The following GRM4 variants were observed in gnomAD, a reference collection of about 807,000 sequenced individuals.
GRM4 encodes the protein metabotropic glutamate receptor 4.
GRM4 carries 28 observed loss-of-function variants against 81.7 expected under a neutral mutation model. That is an observed-to-expected ratio of 0.34 (90% CI 0.25 to 0.47). GRM4 has a LOEUF of 0.47. GRM4 is among the 20% of genes least tolerant of loss of function. The pLI is 1.00. For missense variants in GRM4, 948 were observed against 1,290.0 expected, an observed-to-expected ratio of 0.73 and a Z score of 4.06; for synonymous variants, 488 against 528.8, an observed-to-expected ratio of 0.92 and a Z score of 1.06.
Position 34,062,254 on chromosome 6 carries a change from A to G in GRM4, c.737-226T>C. On this transcript the variant is annotated intron_variant, in intron 3 of 10. Coordinates refer to ENST00000538487, the MANE Select transcript of GRM4 (RefSeq NM_000841.4). The stretch of plus-strand genomic sequence containing the variant: ...CTGGTGACCCTGGATATGTCACTTA[A>G]GTACTCTGAGCCTCAGTTTCCCCAT... The G allele has an allele frequency of 6.4e-6, 3 of 469,506 alleles. No homozygotes were observed. In the South Asian group the frequency reaches 1.3e-4, roughly 20 times the overall value. 29.1% of individuals were successfully genotyped at this position (469,506 alleles called of 1,614,324 possible).
At chr6:34,065,981 C>T (rs34178580) in intron 3 of GRM4, among the ~76,000 whole-genome samples, 1,815 of 152,220 alleles carry the variant, frequency 0.012, 17 homozygotes, top group Middle Eastern at 0.037. Flanking sequence ...CTCCCCAGCC[C>T]GCCCAGGTTC....
At chr6:34,155,215 C>T (rs1490752986) in exon 1 of GRM4, 1 of 1,535,510 alleles carries the variant, frequency 6.5e-7, no homozygotes, top group Non-Finnish European at 8.7e-7. Context: ...GCCTCTTGTG[C>T]GCACCCACAC....
At position 34,115,061 on chromosome 6, in the gene GRM4, G is replaced by A. The variant is rs981487862; in HGVS notation, c.519+17917C>T. 6.6e-6 allele frequency among the ~76,000 whole-genome samples: 1 copy of A among 152,208 alleles called. No individual in the cohort carries two copies. Among genetic ancestry groups the A allele is most frequent in the African/African-American group, 2.4e-5 (1 of 41,444 alleles). ...AAGTGCCACTAATCACTGCATCCAG[G>A]AGCAGCTGTCCCCAGATGCTGCTAA... On this transcript the variant is annotated intron_variant, in intron 2 of 10. Coordinates refer to ENST00000538487, the MANE Select transcript of GRM4 (RefSeq NM_000841.4). This position sits in a 1 kb window ranked among gnomAD's most constrained non-coding sequence, Gnocchi z 4.1.
chr6:34,139,184 AGGAAGCCTC>A (rs1770581619), intron 1 of GRM4, among the ~76,000 whole-genome samples: 1 of 152,168 alleles, frequency 6.6e-6, no homozygotes, highest in South Asian at 2.1e-4. Flanking sequence ...AGCCTCGACC[AGGAAGCCTC>A]CTGATGTCAG....
At chr6:34,033,554 C>T (rs545704813) in intron 9 of GRM4, among the ~76,000 whole-genome samples, 8 of 152,232 alleles carry the variant, frequency 5.3e-5, no homozygotes, top group African/African-American at 1.9e-4. Context: ...GCCAAACGGC[C>T]GTTAGGTAAA....
Position 34,133,678 on chromosome 6 carries a change from T to A in GRM4, c.-182A>T. ...TCCTTGTCACTCGGGCCAAGCACAG[T>A]TGCCCGCACAGTCCAGGCCCACAGA... On this transcript the variant is annotated 5_prime_UTR_variant, in exon 2 of 11. Transcript: ENST00000538487. The surrounding 1 kb of genome is among the most constrained non-coding windows in gnomAD (Gnocchi z 6.5). 1 of 1,409,092 alleles carries A rather than the reference T, an allele frequency of 7.1e-7. No homozygotes were observed. Among genetic ancestry groups the A allele is most frequent in the Non-Finnish European group, 9.2e-7 (1 of 1,087,334 alleles). The allele number at this position is 1,409,092 out of a possible 1,614,324, so 87.3% of individuals were successfully genotyped here.
rs2127447805 is a variant in GRM4 at position 34,042,354 on chromosome 6, A to G, written c.1169-1606T>C. On this transcript the variant is annotated intron_variant, in intron 6 of 10. Transcript: ENST00000538487. This position sits in a 1 kb window ranked among gnomAD's most constrained non-coding sequence, Gnocchi z 4.2. ...ATGTGAACCCAGGTACTCCAACTCC[A>G]ACCCTGAGCACCACACTCTGCCACA... Among the ~76,000 whole-genome samples the G allele has an allele frequency of 6.6e-6, 1 of 152,308 alleles. No individual in the cohort carries two copies. The highest frequency in any genetic ancestry group is 1.5e-5 in the Non-Finnish European group (1 of 68,022).
intron 2 of GRM4, among the ~76,000 whole-genome samples, chr6:34,106,790 TG>T (rs1266170657): frequency 6.6e-6 from 1 of 152,270 alleles, no homozygotes; most frequent in African/African-American, 2.4e-5. Context: ...GGACAATGCC[TG>T]GCACCCACAC....
rs1316022947 is a variant in GRM4 at position 34,069,202 on chromosome 6, A to ACACACACACGCACGCACG, written c.737-7175_737-7174insCGTGCGTGCGTGTGTGTG. ...CACACACACACACACACACACACAC[A>ACACACACACGCACGCACG]CACGCACGCACACACGGCTCCTTCC... On this transcript the variant is annotated intron_variant, in intron 3 of 10. Coordinates refer to ENST00000538487, the MANE Select transcript of GRM4 (RefSeq NM_000841.4). This position sits in a 1 kb window ranked among gnomAD's most constrained non-coding sequence, Gnocchi z 6.4. Among the ~76,000 whole-genome samples the ACACACACACGCACGCACG allele has an allele frequency of 1.4e-5, 2 of 142,254 alleles. No individual in the cohort carries two copies. The highest frequency in any genetic ancestry group is 4.4e-4 in the South Asian group (2 of 4,578). 93.3% of individuals were successfully genotyped at this position (142,254 alleles called of 152,430 possible). A position where few individuals can be genotyped will look rare whatever the true frequency, so the allele number is the denominator to read the frequency against.
At chr6:34,044,067 T>G (rs1046001271) in intron 6 of GRM4, among the ~76,000 whole-genome samples, 1 of 149,586 alleles carries the variant, frequency 6.7e-6, no homozygotes, top group Non-Finnish European at 1.5e-5. Flanking sequence ...TACATACACA[T>G]ATATACACAG....
chr6:34,075,617 TC>T (rs1239165540), intron 3 of GRM4, among the ~76,000 whole-genome samples: 5 of 152,334 alleles, frequency 3.3e-5, no homozygotes, highest in African/African-American at 1.2e-4. Flanking sequence ...CAGGTTCAAA[TC>T]CCAGCTCTGC....
At position 34,028,107 on chromosome 6, in the gene GRM4, G is replaced by C. The variant is rs1236505097; in HGVS notation, c.2689+13C>G. 1.9e-6 allele frequency: 3 copies of C among 1,606,450 alleles called. No individual in the cohort carries two copies. In the African/African-American group the frequency reaches 4.0e-5, roughly 21 times the overall value. ...CTGGGGCCCGAGAGGGCAGAACGGG[G>C]CCAGGCACTCACCTGGGGCCTCAAG... is the stretch of plus-strand genomic sequence containing the variant. On this transcript the variant is annotated intron_variant, in intron 10 of 10. Transcript: ENST00000538487.
At position 34,018,815 on chromosome 6, in the gene GRM4, T is replaced by C. The variant is rs1468003634; in HGVS notation, c.*4006A>G. The C allele has an allele frequency of 6.6e-6, 1 of 151,458 alleles. No homozygotes were observed. Among genetic ancestry groups the C allele is most frequent in the Admixed American group, 6.6e-5 (1 of 15,194 alleles). 9.4% of individuals were successfully genotyped at this position (151,458 alleles called of 1,614,324 possible). A position where few individuals can be genotyped will look rare whatever the true frequency, so the allele number is the denominator to read the frequency against. On this transcript the variant is annotated 3_prime_UTR_variant, in exon 11 of 11. Coordinates refer to ENST00000538487, the MANE Select transcript of GRM4 (RefSeq NM_000841.4). The stretch of plus-strand genomic sequence containing the variant: ...GTGCCATTTAGTGCTGGGTTGGGGG[T>C]GGGGGTCTGAGCCCTGTGAGGCTCA...
intron 10 of GRM4, among the ~76,000 whole-genome samples, chr6:34,025,826 C>T (rs2127434653): frequency 6.6e-6 from 1 of 152,314 alleles, no homozygotes; most frequent in Non-Finnish European, 1.5e-5. Flanking sequence ...TAATAAACAC[C>T]ACGTGGGGTC....
intron 6 of GRM4, among the ~76,000 whole-genome samples, chr6:34,043,565 G>T (rs1181100428): frequency 1.3e-5 from 2 of 152,184 alleles, no homozygotes; most frequent in Non-Finnish European, 2.9e-5. Flanking sequence ...GGCCGCTGCA[G>T]AGAGAAGGCA....
intron 10 of GRM4, among the ~76,000 whole-genome samples, chr6:34,027,074 G>A (rs546664745): frequency 1.4e-4 from 21 of 152,110 alleles, no homozygotes; most frequent in Non-Finnish European, 2.1e-4. Context: ...TCCCTTCCCC[G>A]CTCTGCATGG....
Position 34,021,466 on chromosome 6 carries a change from AGG to A in GRM4, c.*1353_*1354del, listed in dbSNP as rs1216419420. Reference sequence around the variant, plus strand: ...TCAAGAAGAGGACTTCCTGGCTGGAAGGAGAGAGGCACAGGTTATGGGGGCAG... The same window carrying A: ...TCAAGAAGAGGACTTCCTGGCTGGAAAGAGAGGCACAGGTTATGGGGGCAG... On this transcript the variant is annotated 3_prime_UTR_variant, in exon 11 of 11. Coordinates refer to ENST00000538487, the MANE Select transcript of GRM4 (RefSeq NM_000841.4). This position sits in a 1 kb window ranked among gnomAD's most constrained non-coding sequence, Gnocchi z 5.3. 2 of 152,338 alleles carry A rather than the reference AGG, an allele frequency of 1.3e-5. No individual in the cohort carries two copies. The highest frequency in any genetic ancestry group is 2.4e-5 in the African/African-American group (1 of 41,442). 9.4% of individuals were successfully genotyped at this position (152,338 alleles called of 1,614,324 possible). A position where few individuals can be genotyped will look rare whatever the true frequency, so the allele number is the denominator to read the frequency against.
rs2499712 is a variant in GRM4 at position 34,090,982 on chromosome 6, G to A, written c.736+901C>T. On this transcript the variant is annotated intron_variant, in intron 3 of 10. Coordinates refer to ENST00000538487, the MANE Select transcript of GRM4 (RefSeq NM_000841.4). The surrounding 1 kb of genome is among the most constrained non-coding windows in gnomAD (Gnocchi z 5.2). ...CTTCCCCCACACACAACAGGGCCCC[G>A]AGGAAGTCACAGGCACCATCCTTCA... 0.41 allele frequency among the ~76,000 whole-genome samples: 62,595 copies of A among 151,906 alleles called. 13,767 individuals are homozygous for A. Among genetic ancestry groups the A allele is most frequent in the Non-Finnish European group, 0.5 (34,196 of 67,894 alleles).
chr6:34,099,607 A>C (rs1446203019), intron 2 of GRM4, among the ~76,000 whole-genome samples: 1 of 152,180 alleles, frequency 6.6e-6, no homozygotes, highest in African/African-American at 2.4e-5. Flanking sequence ...GACCAGGCCC[A>C]TCCCTGATGC....
Sources: allele counts gnomAD v4.1 joint callset (sites outside exome capture counted in the v4.1 genomes callset), GRCh38; gene constraint gnomAD v4.1.1; non-coding constraint Gnocchi (gnomAD v3.1); transcripts MANE v1.5; gene names NCBI Gene and HGNC (gene_info 2026-07-23, HGNC 2026-07-21).